CARNMT1: variants seen among roughly 807,000 people sequenced by gnomAD.
CARNMT1 encodes protein-L-histidine N-pros-methyltransferase CARNMT1.
CARNMT1 carries 28 observed loss-of-function variants against 49.6 expected under a neutral mutation model. The observed-to-expected ratio is 0.56, with a 90% CI of 0.42 to 0.77. The LOEUF is 0.77. Ranked by LOEUF, CARNMT1 falls within the 30% of genes least tolerant of loss-of-function variation. CARNMT1 has a pLI of 0.00. For missense variants in CARNMT1, 421 were observed against 512.6 expected (o/e 0.82, Z 1.73); for synonymous variants, 178 against 175.0 (o/e 1.02, Z -0.13).
At chr9:75,006,845 C>T (rs1272289024) in intron 3 of CARNMT1, among the ~76,000 whole-genome samples, 4 of 152,074 alleles carry the variant, frequency 2.6e-5, no homozygotes, top group Admixed American at 1.3e-4. Context: ...ATAATAACAA[C>T]GGAAAAGGAA....
chr9:75,011,441 T>C (rs1272697320), intron 3 of CARNMT1, among the ~76,000 whole-genome samples: 2 of 152,260 alleles, frequency 1.3e-5, no homozygotes, highest in Non-Finnish European at 2.9e-5. Flanking sequence ...ATCTTATCAC[T>C]GCAACTTTGA....
At position 74,995,635 on chromosome 9, in the gene CARNMT1, G is replaced by T. The variant is rs151232556; in HGVS notation, c.1024+812C>A. On this transcript the variant is annotated intron_variant, in intron 6 of 7. Transcript: ENST00000376834. ...TAAATTAAAATTAAAAAGAGAGTAGGTGTCAGAAATCAGTCACAAAACTAG... is the reference window on the plus strand; with the variant it reads ...TAAATTAAAATTAAAAAGAGAGTAGTTGTCAGAAATCAGTCACAAAACTAG... Among the ~76,000 whole-genome samples, 23 of 152,206 alleles carry T rather than the reference G, an allele frequency of 1.5e-4. No individual in the cohort carries two copies. In the East Asian group the frequency reaches 4.2e-3, roughly 28 times the overall value.
chr9:74,987,130 A>G (rs1018717613), intron 6 of CARNMT1, among the ~76,000 whole-genome samples: 6 of 152,212 alleles, frequency 3.9e-5, no homozygotes, highest in African/African-American at 1.4e-4. Flanking sequence ...CCAAAGAGTT[A>G]TAAGTTTTCA....
chr9:74,992,144 C>A (rs561907491), intron 6 of CARNMT1, among the ~76,000 whole-genome samples: 1 of 152,048 alleles, frequency 6.6e-6, no homozygotes, highest in Middle Eastern at 3.4e-3. Flanking sequence ...TGGTGGCGCA[C>A]GCCTGTAACC....
At chr9:75,027,099 C>T (rs1471210086) in intron 1 of CARNMT1, 2 of 1,304,326 alleles carry the variant, frequency 1.5e-6, no homozygotes, top group Middle Eastern at 2.1e-4. Context: ...AGCCTCAGAA[C>T]ATAGTCACCG....
At chr9:75,022,213 C>CTTTTTTTTTT (rs35783706) in intron 1 of CARNMT1, among the ~76,000 whole-genome samples, 2 of 76,968 alleles carry the variant, frequency 2.6e-5, no homozygotes, top group Non-Finnish European at 5.1e-5. Context: ...AGAAGGAATA[C>CTTTTTTTTTT]TTTTTTTTTT....
intron 1 of CARNMT1, among the ~76,000 whole-genome samples, 159 bp from the exon 2 acceptor site, chr9:75,017,607 G>C (rs914343290): frequency 1.3e-5 from 2 of 152,112 alleles, no homozygotes; most frequent in African/African-American, 2.4e-5. Flanking sequence ...AACTTATAAA[G>C]TTGTAAATGT....
chr9:75,002,938 G>A (rs1214948594), intron 3 of CARNMT1, among the ~76,000 whole-genome samples: 1 of 151,688 alleles, frequency 6.6e-6, no homozygotes, highest in Non-Finnish European at 1.5e-5. Context: ...GGGTTTCGCC[G>A]TGTTGCCCAG....
At chr9:75,018,428 T>C (rs1042408215) in intron 1 of CARNMT1, among the ~76,000 whole-genome samples, 1 of 152,168 alleles carries the variant, frequency 6.6e-6, no homozygotes, top group Non-Finnish European at 1.5e-5. Flanking sequence ...ATTGACAAGA[T>C]GGCCAAAATT....
At chr9:74,997,278 C>T (rs1227281989) in intron 5 of CARNMT1, among the ~76,000 whole-genome samples, 1 of 152,178 alleles carries the variant, frequency 6.6e-6, no homozygotes, top group East Asian at 1.9e-4. Flanking sequence ...CTAACATCTT[C>T]CATCTCTCCC....
intron 3 of CARNMT1, among the ~76,000 whole-genome samples, chr9:75,009,005 T>A (rs1011634181): frequency 6.7e-6 from 1 of 150,260 alleles, no homozygotes; most frequent in Non-Finnish European, 1.5e-5. Context: ...CCCACATACA[T>A]GGTCCACTAA....
chr9:75,014,797 C>T (rs901923588), intron 3 of CARNMT1, among the ~76,000 whole-genome samples: 3 of 151,586 alleles, frequency 2.0e-5, no homozygotes, highest in Non-Finnish European at 2.9e-5. Flanking sequence ...CAGTAAGCAG[C>T]GCCACTGCAC....
chr9:75,012,412 G>T (rs778744589), intron 3 of CARNMT1, among the ~76,000 whole-genome samples: 6 of 151,318 alleles, frequency 4.0e-5, no homozygotes, highest in Non-Finnish European at 7.4e-5. Context: ...TCAGACTCCT[G>T]AGTAGCTAGA....
chr9:75,016,495 A>G (rs1833857017), intron 2 of CARNMT1, 64 bp from the exon 3 acceptor site: 1 of 1,524,236 alleles, frequency 6.6e-7, no homozygotes, highest in Non-Finnish European at 9.0e-7. Context: ...ATGGTTAAAT[A>G]GACATGCTAC....
intron 2 of CARNMT1, 72 bp downstream of exon 2, chr9:75,017,181 C>T: frequency 8.4e-7 from 1 of 1,191,928 alleles, no homozygotes; most frequent in Non-Finnish European, 1.2e-6. Context: ...AAATGAAATC[C>T]AGAAAATAAA....
intron 3 of CARNMT1, among the ~76,000 whole-genome samples, chr9:75,006,827 G>T (rs1833524363): frequency 6.6e-6 from 1 of 152,070 alleles, no homozygotes; most frequent in Non-Finnish European, 1.5e-5. Context: ...TTTACATTTT[G>T]TCAAGTAATA....
At chr9:75,003,976 A>G (rs945603962) in intron 3 of CARNMT1, among the ~76,000 whole-genome samples, 2 of 152,236 alleles carry the variant, frequency 1.3e-5, no homozygotes, top group African/African-American at 4.8e-5. Flanking sequence ...CCAGGGTTAA[A>G]GCAATTCTCC....
At chr9:74,983,941 A>G in intron 7 of CARNMT1, 73 bp from the exon 8 acceptor site, 1 of 950,808 alleles carries the variant, frequency 1.1e-6, no homozygotes, top group East Asian at 2.6e-5. Flanking sequence ...CTGAGCACAT[A>G]TGTATCAGTG....
Position 74,998,348 on chromosome 9 carries a change from T to G in CARNMT1, c.910+250A>C, listed in dbSNP as rs565249805. On this transcript the variant is annotated intron_variant, in intron 5 of 7. Transcript: ENST00000376834. ...TTTGGTATTCATTACTCATTTAACC[T>G]TTGTTTACATGGTATCTCTTAGTAT... is the stretch of plus-strand genomic sequence containing the variant. 4.1e-4 allele frequency among the ~76,000 whole-genome samples: 62 copies of G among 152,286 alleles called. 1 individual carries two copies. The highest frequency in any genetic ancestry group is 3.4e-3 in the Middle Eastern group (1 of 294).
Sources: gnomAD v4.1 joint callset for allele counts (sites outside exome capture counted in the v4.1 genomes callset) on GRCh38, gnomAD v4.1.1 for gene constraint, MANE v1.5 for transcripts, NCBI Gene and HGNC (gene_info 2026-07-23, HGNC 2026-07-21) for gene names.